TNFRSF19: variants seen among roughly 807,000 people sequenced by gnomAD.
TNFRSF19 encodes TNF receptor superfamily member 19, also known as tumor necrosis factor receptor superfamily member 19.
TNFRSF19 carries 27 observed loss-of-function variants against 46.4 expected under a neutral mutation model. The ratio of observed to expected loss-of-function variants is 0.58; its 90% CI spans 0.43 to 0.80. The LOEUF is 0.80. Among genes scored for constraint, TNFRSF19 ranks in the 30% least tolerant of loss-of-function variants. TNFRSF19 has a pLI of 0.00. For synonymous variants in TNFRSF19, 204 were observed against 205.0 expected (o/e 1.00, Z 0.04); for missense variants, 511 against 530.8 (o/e 0.96, Z 0.37).
At chr13:23,641,019 T>TA (rs1486646120) in intron 5 of TNFRSF19, among the ~76,000 whole-genome samples, 3 of 152,220 alleles carry the variant, frequency 2.0e-5, no homozygotes, top group African/African-American at 7.2e-5. Context: ...CCCAAGCAGC[T>TA]AGGGAGGAAA....
chr13:23,624,801 A>C (rs1222473729), intron 4 of TNFRSF19, among the ~76,000 whole-genome samples: 2 of 150,678 alleles, frequency 1.3e-5, no homozygotes, highest in Admixed American at 6.6e-5. Context: ...CCCAGGCTGG[A>C]GTGCAATGGC....
rs1951708500 is a variant in TNFRSF19, at chr13:23,669,110, C to A, written c.1245+13C>A. ...GACGTCCCTCCAGGTAAGGCAGCGA[C>A]TGGGTTCCCTGTGAACACAGCACTG... On this transcript the variant is annotated intron_variant, in intron 9 of 9. Transcript: ENST00000248484. 1 of 1,611,272 alleles carries A rather than the reference C, an allele frequency of 6.2e-7. No individual in the cohort carries two copies. The highest frequency in any genetic ancestry group is 1.1e-5 in the South Asian group (1 of 90,756).
chr13:23,591,812 G>A (rs569472889), intron 2 of TNFRSF19, among the ~76,000 whole-genome samples: 15 of 149,068 alleles, frequency 1.0e-4, no homozygotes, highest in Non-Finnish European at 2.2e-4. Context: ...TGCAACCTCC[G>A]CTTCCCAGTT....
chr13:23,588,299 C>T (rs992369958), intron 1 of TNFRSF19, among the ~76,000 whole-genome samples: 13 of 152,158 alleles, frequency 8.5e-5, no homozygotes, highest in Non-Finnish European at 1.5e-4. Flanking sequence ...ACAGCATCAG[C>T]AACTGCTCCG....
At chr13:23,636,928 T>G (rs903778833) in intron 5 of TNFRSF19, among the ~76,000 whole-genome samples, 7 of 152,206 alleles carry the variant, frequency 4.6e-5, no homozygotes. Context: ...ATTAGTTTAT[T>G]TAATTCAATT....
At chr13:23,639,672 G>GC (rs1593278441) in intron 5 of TNFRSF19, among the ~76,000 whole-genome samples, 1 of 152,138 alleles carries the variant, frequency 6.6e-6, no homozygotes, top group East Asian at 1.9e-4. Context: ...AACCAGTCAG[G>GC]CCCCCTGGAA....
intron 7 of TNFRSF19, among the ~76,000 whole-genome samples, chr13:23,660,776 C>A (rs905651923): frequency 6.6e-6 from 1 of 152,142 alleles, no homozygotes; most frequent in South Asian, 2.1e-4. Context: ...TTTAAAATCA[C>A]GGTAACCTTT....
In TNFRSF19 at chr13:23,601,321, C is replaced by A. The variant is rs536261577; in HGVS notation, c.180+7866C>A. ...ACTTTTACTCAGAAATCATGCAAGG[C>A]AGAAGAGAGTGCAGTGAAACATTTA... On this transcript the variant is annotated intron_variant, in intron 3 of 9. Coordinates refer to ENST00000248484, the MANE Select transcript of TNFRSF19 (RefSeq NM_148957.4). Among the ~76,000 whole-genome samples, 18 of 152,250 alleles carry A rather than the reference C, an allele frequency of 1.2e-4. No homozygotes were observed. In the South Asian group the frequency reaches 3.5e-3, roughly 30 times the overall value.
chr13:23,670,237 C>G lies in TNFRSF19; in HGVS notation c.1245+1140C>G, dbSNP rs1263975619. 2.0e-5 allele frequency among the ~76,000 whole-genome samples: 3 copies of G among 152,160 alleles called. No homozygotes were observed. In the East Asian group the frequency reaches 5.8e-4, roughly 29 times the overall value. ...TGAAACGGGGTCTCTCTCTGTCGCC[C>G]AGGCCAGAGCTCAGTGGAGCAATCA... is the stretch of plus-strand genomic sequence containing the variant. On this transcript the variant is annotated intron_variant, in intron 9 of 9. Transcript: ENST00000248484.
In TNFRSF19 at chr13:23,651,840, C is replaced by CTTTTTTTT. The variant is rs71070609; in HGVS notation, c.446-7196_446-7189dup. Among the ~76,000 whole-genome samples, 12 of 35,972 alleles carry CTTTTTTTT rather than the reference C, an allele frequency of 3.3e-4. 2 individuals carry two copies. The highest frequency in any genetic ancestry group is 1.5e-3 in the Admixed American group (3 of 1,960). 23.6% of individuals were successfully genotyped at this position (35,972 alleles called of 152,430 possible). A position where few individuals can be genotyped will look rare whatever the true frequency, so the allele number is the denominator to read the frequency against. Reference sequence around the variant, plus strand: ...AACCAGTAATCCTTCACACTATAGTCTTTTTTTTTTTTTTTTTTTTTACTC... The same window carrying CTTTTTTTT: ...AACCAGTAATCCTTCACACTATAGTCTTTTTTTTTTTTTTTTTTTTTTTTTTTTTACTC... On this transcript the variant is annotated intron_variant, in intron 5 of 9. Coordinates refer to ENST00000248484, the MANE Select transcript of TNFRSF19 (RefSeq NM_148957.4).
intron 3 of TNFRSF19, among the ~76,000 whole-genome samples, chr13:23,615,368 C>G (rs544035525): frequency 6.6e-6 from 1 of 152,280 alleles, no homozygotes; most frequent in South Asian, 2.1e-4. Flanking sequence ...TACTAAATTG[C>G]TAACTATTTC....
chr13:23,603,697 G>A (rs553643554), intron 3 of TNFRSF19, among the ~76,000 whole-genome samples: 1 of 152,048 alleles, frequency 6.6e-6, no homozygotes, highest in South Asian at 2.1e-4. Flanking sequence ...TGTCACATCA[G>A]TGGGCTAAAG....
At position 23,674,881 on chromosome 13, in the gene TNFRSF19, T is replaced by C. The variant is rs1951807672; in HGVS notation, c.*1501T>C. The stretch of plus-strand genomic sequence containing the variant: ...TTTGTGACAGATTAGTAAAATTTAA[T>C]GAGCCCTCTTTCTTGTGGCCGTTTC... On this transcript the variant is annotated 3_prime_UTR_variant, in exon 10 of 10. Coordinates refer to ENST00000248484, the MANE Select transcript of TNFRSF19 (RefSeq NM_148957.4). 6.6e-6 allele frequency: 1 copy of C among 152,220 alleles called. No individual in the cohort carries two copies. Among genetic ancestry groups the C allele is most frequent in the South Asian group, 2.1e-4 (1 of 4,824 alleles). 9.4% of individuals were successfully genotyped at this position (152,220 alleles called of 1,614,324 possible). A position where few individuals can be genotyped will look rare whatever the true frequency, so the allele number is the denominator to read the frequency against.
chr13:23,588,277 A>G lies in TNFRSF19; in HGVS notation c.-34-1873A>G, dbSNP rs186655384. ...CTCATAAGTAGTGGTCTCAATAACA[A>G]CAGCAGCAGTAACAGCATCAGCAAC... On this transcript the variant is annotated intron_variant, in intron 1 of 9. Coordinates refer to ENST00000248484, the MANE Select transcript of TNFRSF19 (RefSeq NM_148957.4). 1.4e-3 allele frequency among the ~76,000 whole-genome samples: 209 copies of G among 152,282 alleles called. 2 individuals carry two copies. Among genetic ancestry groups the G allele is most frequent in the African/African-American group, 4.8e-3 (199 of 41,554 alleles).
At chr13:23,666,719 C>T (rs1052301274) in intron 7 of TNFRSF19, among the ~76,000 whole-genome samples, 3 of 152,188 alleles carry the variant, frequency 2.0e-5, no homozygotes, top group East Asian at 3.8e-4. Flanking sequence ...GCGTGACACA[C>T]GTTTGTTAAG....
intron 5 of TNFRSF19, among the ~76,000 whole-genome samples, chr13:23,637,446 C>CAT (rs1882759955): frequency 6.6e-6 from 1 of 150,612 alleles, no homozygotes; most frequent in Non-Finnish European, 1.5e-5. Flanking sequence ...CCTGAATCGA[C>CAT]TTCCTGTTCC....
chr13:23,609,254 TA>T (rs1290541142), intron 3 of TNFRSF19, among the ~76,000 whole-genome samples: 4 of 152,202 alleles, frequency 2.6e-5, no homozygotes, highest in Admixed American at 2.0e-4. Flanking sequence ...ATATTTTTCC[TA>T]TTTCAGAGTC....
chr13:23,643,707 C>T (rs534915051), intron 5 of TNFRSF19, among the ~76,000 whole-genome samples: 2 of 152,314 alleles, frequency 1.3e-5, no homozygotes, highest in Non-Finnish European at 2.9e-5. Flanking sequence ...TCAGAATTGC[C>T]GGATGGCGAG....
intron 1 of TNFRSF19, among the ~76,000 whole-genome samples, chr13:23,580,886 A>C (rs1878361523): frequency 6.6e-6 from 1 of 152,346 alleles, no homozygotes; most frequent in South Asian, 2.1e-4. Flanking sequence ...GTCTTACCAT[A>C]TCTACTTTAT....
Sources: gnomAD v4.1 joint callset for allele counts (sites outside exome capture counted in the v4.1 genomes callset) on GRCh38, gnomAD v4.1.1 for gene constraint, MANE v1.5 for transcripts, NCBI Gene and HGNC (gene_info 2026-07-23, HGNC 2026-07-21) for gene names.